Variants in ETF1 observed in about 807,000 individuals in gnomAD.
The protein encoded by ETF1 is eukaryotic translation termination factor 1.
ETF1 carries 4 observed loss-of-function variants against 55.1 expected under a neutral mutation model. That is an observed-to-expected ratio of 0.07 (90% confidence interval 0.04 to 0.17). The LOEUF is 0.17. Ranked by LOEUF, ETF1 falls within the 10% of genes least tolerant of loss-of-function variation. The pLI is 1.00. For missense variants in ETF1, 142 were observed against 523.6 expected, an observed-to-expected ratio of 0.27 and a Z score of 7.11; for synonymous variants, 157 against 182.3, an observed-to-expected ratio of 0.86 and a Z score of 1.12.
At chr5:138,529,561 G>A (rs1765610543) in intron 2 of ETF1, 18 of 983,010 alleles carry the variant, frequency 1.8e-5, no homozygotes, top group Non-Finnish European at 2.2e-5. Flanking sequence ...ATACAGCAAT[G>A]TATCCCTCAA....
At chr5:138,530,474 T>C (rs1765652936) in intron 2 of ETF1, among the ~76,000 whole-genome samples, 1 of 151,866 alleles carries the variant, frequency 6.6e-6, no homozygotes, top group Non-Finnish European at 1.5e-5. Flanking sequence ...GATGGGGTTT[T>C]GCCATGTTGG....
rs1233315191 is a variant in ETF1 at position 138,525,935 on chromosome 5, ACT to A, written c.87-7070_87-7069del. Among the ~76,000 whole-genome samples, 6 of 102,594 alleles carry A rather than the reference ACT, an allele frequency of 5.8e-5. No individual in the cohort carries two copies. In the East Asian group the frequency reaches 1.7e-3, roughly 29 times the overall value. The allele number at this position is 102,594 out of a possible 152,430, so 67.3% of individuals were successfully genotyped here. A position where few individuals can be genotyped will look rare whatever the true frequency, so the allele number is the denominator to read the frequency against. On this transcript the variant is annotated intron_variant, in intron 2 of 10. Coordinates refer to ENST00000360541, the MANE Select transcript of ETF1 (RefSeq NM_004730.4). ...ACTTCAGTCTGGGCAACAGAGTGAG[ACT>A]CTGTTTAAAAAAAAAAAAAAAAAAG...
chr5:138,510,738 C>A, intron 8 of ETF1, 109 bp from the exon 9 acceptor site: 1 of 1,437,658 alleles, frequency 7.0e-7, no homozygotes, highest in South Asian at 1.3e-5. Context: ...CTCAATCTCT[C>A]AACATTTTTT....
rs1262328893 is a variant in ETF1 at position 138,542,945 on chromosome 5, G to C, written c.-18-9C>G. On this transcript the variant is annotated splice_polypyrimidine_tract_variant and intron_variant, in intron 1 of 10. Coordinates refer to ENST00000360541, the MANE Select transcript of ETF1 (RefSeq NM_004730.4). ...TTCTCGCCTCCTCCTCCCTAGAGCG[G>C]CCCGGCGGGGCCCGGAGACACCAAG... 6.2e-7 allele frequency: 1 copy of C among 1,611,472 alleles called. No homozygotes were observed. Among genetic ancestry groups the C allele is most frequent in the African/African-American group, 1.3e-5 (1 of 75,004 alleles).
chr5:138,516,489 A>T (rs1765024479), intron 4 of ETF1, among the ~76,000 whole-genome samples: 2 of 152,114 alleles, frequency 1.3e-5, no homozygotes, highest in Admixed American at 6.6e-5. Context: ...AAACACAAAA[A>T]ATTAGCCAGG....
intron 2 of ETF1, among the ~76,000 whole-genome samples, chr5:138,532,024 C>T (rs1333343036): frequency 1.3e-5 from 2 of 151,060 alleles, no homozygotes; most frequent in Non-Finnish European, 2.9e-5. Flanking sequence ...CCAACTTGGG[C>T]GACAGAGCGA....
Position 138,512,868 on chromosome 5 carries a change from C to G in ETF1, c.628G>C (p.Val210Leu). ...NYVRKVAETA[V>L]QLFISGDKVN... is the part of the protein sequence containing the mutation. Reference sequence around the variant, plus strand: ...TTGTCCCCAGAAATAAACAGCTGCACAGCAGTCTCTGCTACTTTCCGAACA... The same window carrying G: ...TTGTCCCCAGAAATAAACAGCTGCAGAGCAGTCTCTGCTACTTTCCGAACA... Residue 210 changes from valine to leucine, a missense_variant, in exon 6 of 11, where the codon GTG becomes CTG. Transcript: ENST00000360541. The G allele has an allele frequency of 6.3e-7, 1 of 1,593,942 alleles. No individual in the cohort carries two copies. Among genetic ancestry groups the G allele is most frequent in the Non-Finnish European group, 8.5e-7 (1 of 1,172,948 alleles).
chr5:138,508,569 AGAT>A lies in ETF1; in HGVS notation c.1231+97_1231+99del, dbSNP rs150401914. 1,894 of 1,565,172 alleles carry A rather than the reference AGAT, an allele frequency of 1.2e-3. 26 individuals carry two copies. The African/African-American group carries it at 0.022, about 19-fold the overall frequency. On this transcript the variant is annotated intron_variant, in intron 10 of 10. Transcript: ENST00000360541. The stretch of plus-strand genomic sequence containing the variant: ...TGCTGCGTCAATCACCTATCCCAGC[AGAT>A]AATAAGCACCTCACCGGAAGCAGGG...
intron 2 of ETF1, among the ~76,000 whole-genome samples, chr5:138,537,478 G>C (rs1765985186): frequency 6.6e-6 from 1 of 152,166 alleles, no homozygotes; most frequent in Non-Finnish European, 1.5e-5. Flanking sequence ...CCAAAATTTG[G>C]AAAGAGTGAG....
rs1764608043 is a variant in ETF1, at chr5:138,507,699, G to C, written c.*606C>G. 6.5e-6 allele frequency: 1 copy of C among 152,778 alleles called. No individual in the cohort carries two copies. Among genetic ancestry groups the C allele is most frequent in the Non-Finnish European group, 1.5e-5 (1 of 68,156 alleles). 9.5% of individuals were successfully genotyped at this position (152,778 alleles called of 1,614,324 possible). A position where few individuals can be genotyped will look rare whatever the true frequency, so the allele number is the denominator to read the frequency against. ...ATCCTTGAAACTGCCAGTCTGGAGGGGGACGGGGTAGCGTGAGGGAGTGAA... is the reference window on the plus strand; with the variant it reads ...ATCCTTGAAACTGCCAGTCTGGAGGCGGACGGGGTAGCGTGAGGGAGTGAA... On this transcript the variant is annotated 3_prime_UTR_variant, in exon 11 of 11. Transcript: ENST00000360541.
At chr5:138,542,314 G>T (rs1033094430) in intron 2 of ETF1, among the ~76,000 whole-genome samples, 1 of 152,152 alleles carries the variant, frequency 6.6e-6, no homozygotes, top group Non-Finnish European at 1.5e-5. Context: ...GAGAAATCAG[G>T]AATCAGAAAG....
intron 2 of ETF1, chr5:138,542,519 C>CCGAG: frequency 2.3e-6 from 2 of 859,802 alleles, no homozygotes; most frequent in Non-Finnish European, 3.2e-6. Flanking sequence ...GTGGCAGCAC[C>CCGAG]TGGAGCCCGA....
chr5:138,517,924 C>A lies in ETF1; in HGVS notation c.263-224G>T, dbSNP rs1047608205. 3 of 983,210 alleles carry A rather than the reference C, an allele frequency of 3.1e-6. No homozygotes were observed. The South Asian group carries it at 1.4e-4, about 46-fold the overall frequency. The allele number at this position is 983,210 out of a possible 1,614,324, so 60.9% of individuals were successfully genotyped here. Reference sequence around the variant, plus strand: ...TATTCTTTAAAGTAAACAGGCTGGACGTGGTGGTGGCTCACGCCTGTAATC... The same window carrying A: ...TATTCTTTAAAGTAAACAGGCTGGAAGTGGTGGTGGCTCACGCCTGTAATC... On this transcript the variant is annotated intron_variant, in intron 3 of 10. Transcript: ENST00000360541.
At position 138,506,606 on chromosome 5, in the gene ETF1, G is replaced by A. The variant is rs1189343629; in HGVS notation, c.*1699C>T. ...TGTTCCGGTGAAGTCTCCCACGTTGGTGAACACCAAATAATGGACTCTTCT... is the reference window on the plus strand; with the variant it reads ...TGTTCCGGTGAAGTCTCCCACGTTGATGAACACCAAATAATGGACTCTTCT... On this transcript the variant is annotated 3_prime_UTR_variant, in exon 11 of 11. Transcript: ENST00000360541. The A allele has an allele frequency of 6.6e-6, 1 of 152,668 alleles. No individual in the cohort carries two copies. The highest frequency in any genetic ancestry group is 2.4e-5 in the African/African-American group (1 of 41,464). 9.5% of individuals were successfully genotyped at this position (152,668 alleles called of 1,614,324 possible).
At chr5:138,531,743 C>T (rs1170536077) in intron 2 of ETF1, among the ~76,000 whole-genome samples, 1 of 152,142 alleles carries the variant, frequency 6.6e-6, no homozygotes, top group Non-Finnish European at 1.5e-5. Context: ...CCTCACAAAG[C>T]TCAATTTAAA....
intron 2 of ETF1, among the ~76,000 whole-genome samples, chr5:138,540,992 AT>A (rs1766149281): frequency 6.6e-6 from 1 of 152,208 alleles, no homozygotes; most frequent in Non-Finnish European, 1.5e-5. Flanking sequence ...TCATGATTTA[AT>A]TTTTTGGACT....
At position 138,512,965 on chromosome 5, in the gene ETF1, A is replaced by G. The variant is rs1166857973; in HGVS notation, c.542-11T>C. The G allele has an allele frequency of 2.0e-6, 3 of 1,498,318 alleles. No homozygotes were observed. The highest frequency in any genetic ancestry group is 2.6e-5 in the East Asian group (1 of 37,756). The allele number at this position is 1,498,318 out of a possible 1,614,324, so 92.8% of individuals were successfully genotyped here. On this transcript the variant is annotated splice_polypyrimidine_tract_variant and intron_variant, in intron 5 of 10. Coordinates refer to ENST00000360541, the MANE Select transcript of ETF1 (RefSeq NM_004730.4). ...ACTGACCTCCTCTACCTTTGACACA[A>G]AAGTAGCAAGAGAAAAAGGCAATTA...
At chr5:138,528,296 G>A (rs1352837471) in intron 2 of ETF1, among the ~76,000 whole-genome samples, 1 of 152,196 alleles carries the variant, frequency 6.6e-6, no homozygotes, top group Non-Finnish European at 1.5e-5. Flanking sequence ...AACTCAAAAT[G>A]CCTTACAGCA....
intron 2 of ETF1, among the ~76,000 whole-genome samples, chr5:138,523,504 A>G (rs1382007898): frequency 6.6e-6 from 1 of 152,206 alleles, no homozygotes; most frequent in Non-Finnish European, 1.5e-5. Flanking sequence ...ACTGCACTCC[A>G]GCCTGACAAC....
Sources: allele counts gnomAD v4.1 joint callset (sites outside exome capture counted in the v4.1 genomes callset), GRCh38; gene constraint gnomAD v4.1.1; transcripts MANE v1.5; gene names NCBI Gene and HGNC (gene_info 2026-07-23, HGNC 2026-07-21).